MTMR7: variants seen among roughly 807,000 people sequenced by gnomAD.
The protein encoded by MTMR7 is myotubularin related protein 7, also known as phosphatidylinositol-3-phosphate phosphatase MTMR7.
MTMR7 carries 76 observed loss-of-function variants against 81.2 expected under a neutral mutation model. The ratio of observed to expected loss-of-function variants is 0.94; its 90% CI spans 0.78 to 1.13. The LOEUF (loss-of-function observed/expected upper bound fraction) is 1.13, where lower values mean the gene tolerates loss of function less well. Among genes scored for constraint, MTMR7 ranks in the 50% most tolerant of loss-of-function variants. The probability of loss-of-function intolerance (pLI) is 0.00; values close to 1 mark genes in which losing one functional copy is unlikely to be tolerated. For missense variants in MTMR7, 1,044 were observed against 820.0 expected (o/e 1.27, Z -3.34); for synonymous variants, 372 against 289.8 (o/e 1.28, Z -2.88).
At chr8:17,401,597 T>C (rs1036415233) in intron 1 of MTMR7, among the ~76,000 whole-genome samples, 3 of 151,782 alleles carry the variant, frequency 2.0e-5, no homozygotes, top group African/African-American at 4.8e-5. Flanking sequence ...AAAGAGTTGA[T>C]AGTATTTCAG....
chr8:17,397,573 G>A (rs75244811), intron 1 of MTMR7, among the ~76,000 whole-genome samples: 12,506 of 152,214 alleles, frequency 0.082, 686 homozygotes, highest in Non-Finnish European at 0.11. Flanking sequence ...CATGAGGTAC[G>A]TTTTTAAGGA....
intron 1 of MTMR7, among the ~76,000 whole-genome samples, chr8:17,405,443 G>C (rs921136924): frequency 4.6e-5 from 7 of 152,178 alleles, no homozygotes; most frequent in African/African-American, 1.7e-4. Flanking sequence ...ATGCTGCACA[G>C]AGCAGGGCTC....
Position 17,311,650 on chromosome 8 carries a change from G to T in MTMR7, c.976-14C>A. 6.2e-7 allele frequency: 1 copy of T among 1,613,782 alleles called. No individual in the cohort carries two copies. On this transcript the variant is annotated splice_polypyrimidine_tract_variant and intron_variant, in intron 8 of 13. Coordinates refer to ENST00000180173, the MANE Select transcript of MTMR7 (RefSeq NM_004686.5). ...CTCTGACACTGCCTAGAAAACACAC[G>T]ATCCGCAAAGAGTCACAAAGAATGG...
At chr8:17,365,830 CA>C (rs1170343094) in intron 3 of MTMR7, among the ~76,000 whole-genome samples, 2 of 152,248 alleles carry the variant, frequency 1.3e-5, no homozygotes, top group East Asian at 3.9e-4. Flanking sequence ...ACCCAGAAAG[CA>C]AAATGATAAT....
At chr8:17,328,384 A>C (rs1305735953) in intron 7 of MTMR7, among the ~76,000 whole-genome samples, 2 of 152,196 alleles carry the variant, frequency 1.3e-5, no homozygotes, top group Non-Finnish European at 2.9e-5. Context: ...GCTGGCCTTG[A>C]AAGGGACTAT....
At position 17,395,458 on chromosome 8, in the gene MTMR7, T is replaced by C. The variant is rs115802385; in HGVS notation, c.24+17811A>G. On this transcript the variant is annotated intron_variant, in intron 1 of 13. Coordinates refer to ENST00000180173, the MANE Select transcript of MTMR7 (RefSeq NM_004686.5). ...CCAGGAGTGGAAATGCTGAGTCATA[T>C]GATAATTCTACATTTAACTTTTTGA... 3.6e-3 allele frequency among the ~76,000 whole-genome samples: 545 copies of C among 152,348 alleles called. 1 individual carries two copies. Among genetic ancestry groups the C allele is most frequent in the African/African-American group, 0.012 (514 of 41,582 alleles).
At chr8:17,361,086 C>T (rs202156235) in intron 4 of MTMR7, 31 bp downstream of exon 4, 268 of 1,611,068 alleles carry the variant, frequency 1.7e-4, no homozygotes, top group African/African-American at 1.4e-3. Context: ...TAATTTCATG[C>T]GGCTTCAGTG....
chr8:17,304,297 A>G, intron 12 of MTMR7, 82 bp downstream of exon 12: 1 of 1,487,510 alleles, frequency 6.7e-7, no homozygotes, highest in South Asian at 1.2e-5. Context: ...GATCAGTGTC[A>G]TACACTTTGA....
chr8:17,305,850 T>G lies in MTMR7; in HGVS notation c.1259A>C (p.Asn420Thr), dbSNP rs201455556. ...MEQFPCAFEF[N>T]ERFLIHIQHH... Reference sequence around the variant, plus strand: ...TTGAATGTGAATCAAAAACCTCTCATTGAACTCAAAGGCACAGGGAAATTG... The same window carrying G: ...TTGAATGTGAATCAAAAACCTCTCAGTGAACTCAAAGGCACAGGGAAATTG... Residue 420 changes from asparagine to threonine, a missense_variant, in exon 11 of 14, where the codon AAT (asparagine) becomes ACT (threonine). Coordinates refer to ENST00000180173, the MANE Select transcript of MTMR7 (RefSeq NM_004686.5). The G allele has an allele frequency of 2.6e-5, 42 of 1,613,584 alleles. No homozygotes were observed. Among genetic ancestry groups the G allele is most frequent in the Admixed American group, 8.3e-5 (5 of 59,986 alleles).
At chr8:17,411,758 G>A (rs1032227267) in intron 1 of MTMR7, among the ~76,000 whole-genome samples, 1 of 152,150 alleles carries the variant, frequency 6.6e-6, no homozygotes, top group Non-Finnish European at 1.5e-5. Context: ...AGGTTCACAC[G>A]TGACTTTGTA....
chr8:17,329,254 T>A (rs1745022091), intron 7 of MTMR7, among the ~76,000 whole-genome samples: 1 of 152,152 alleles, frequency 6.6e-6, no homozygotes, highest in African/African-American at 2.4e-5. Context: ...TTGCAACACT[T>A]CATCATCAGC....
intron 1 of MTMR7, among the ~76,000 whole-genome samples, chr8:17,384,431 A>G (rs1361168307): frequency 6.6e-6 from 1 of 152,146 alleles, no homozygotes; most frequent in Non-Finnish European, 1.5e-5. Flanking sequence ...ATAAATAAAT[A>G]ATTATTAACA....
At chr8:17,373,036 C>A in intron 2 of MTMR7, 82 bp downstream of exon 2, 1 of 1,546,726 alleles carries the variant, frequency 6.5e-7, no homozygotes. Context: ...CCATCTCACC[C>A]TGAGGAAAAA....
chr8:17,330,833 T>A (rs1357627779), intron 7 of MTMR7, among the ~76,000 whole-genome samples: 1 of 152,184 alleles, frequency 6.6e-6, no homozygotes, highest in East Asian at 1.9e-4. Context: ...GATTGCCTTA[T>A]TCCTAAATGG....
chr8:17,323,153 G>A (rs1308333669), intron 7 of MTMR7, among the ~76,000 whole-genome samples: 6 of 151,404 alleles, frequency 4.0e-5, no homozygotes, highest in South Asian at 2.1e-4. Context: ...TCACCATGTC[G>A]GACAGCAGGT....
intron 5 of MTMR7, among the ~76,000 whole-genome samples, chr8:17,342,519 A>G (rs1025986843): frequency 2.0e-5 from 3 of 152,172 alleles, no homozygotes; most frequent in African/African-American, 7.2e-5. Context: ...TAGTCCAACC[A>G]TAGCTTAATT....
chr8:17,339,051 G>C (rs1819334813), intron 6 of MTMR7: 1 of 152,182 alleles, frequency 6.6e-6, no homozygotes, highest in East Asian at 1.9e-4. Flanking sequence ...GTGACATGAA[G>C]TTCAGAGAAT....
chr8:17,378,200 C>A (rs1820648253), intron 1 of MTMR7, among the ~76,000 whole-genome samples: 1 of 151,730 alleles, frequency 6.6e-6, no homozygotes, highest in Admixed American at 6.6e-5. Flanking sequence ...CCAGAGCTGT[C>A]AAAAGTAATT....
chr8:17,398,229 CAG>C (rs1439085835), intron 1 of MTMR7, among the ~76,000 whole-genome samples: 1 of 152,174 alleles, frequency 6.6e-6, no homozygotes, highest in Admixed American at 6.5e-5. Context: ...CCTGGAGAAA[CAG>C]AGGTATGTGA....
Sources: gnomAD v4.1 joint callset for allele counts (sites outside exome capture counted in the v4.1 genomes callset) on GRCh38, gnomAD v4.1.1 for gene constraint, MANE v1.5 for transcripts, NCBI Gene and HGNC (gene_info 2026-07-23, HGNC 2026-07-21) for gene names.